PAX2: variants seen among roughly 807,000 people sequenced by gnomAD.
PAX2 encodes the protein paired box protein Pax-2.
A neutral mutation model predicts 41.7 loss-of-function variants in PAX2; 9 were observed. The observed-to-expected ratio is 0.22, with a 90% CI of 0.13 to 0.38. The LOEUF (loss-of-function observed/expected upper bound fraction) is 0.38, where lower values mean the gene tolerates loss of function less well. PAX2 is among the 10% of genes least tolerant of loss of function. The probability of loss-of-function intolerance (pLI) is 1.00; values close to 1 mark genes in which losing one functional copy is unlikely to be tolerated. For missense variants in PAX2, 418 were observed against 531.6 expected (o/e 0.79, Z 2.10); for synonymous variants, 221 against 212.7 (o/e 1.04, Z -0.34).
rs761902719 is a variant in PAX2 at position 100,750,825 on chromosome 10, G to A, written c.344G>A (p.Arg115Gln). 4.3e-6 allele frequency: 7 copies of A among 1,614,214 alleles called. No individual in the cohort carries two copies. The highest frequency in any genetic ancestry group is 3.3e-5 in the Admixed American group (2 of 60,034). ...CCGACTATGTTCGCCTGGGAGATTC[G>A]AGACCGGCTCCTGGCCGAGGGCATC... ...QNPTMFAWEIRDRLLAEGICD... is the reference protein window; with the variant it reads ...QNPTMFAWEIQDRLLAEGICD... Residue 115 changes from arginine (R) to glutamine (Q), a missense_variant, in exon 3 of 10, where the codon CGA (arginine) becomes CAA (glutamine). By Grantham distance (43) the Arg-to-Gln change is conservative. Coordinates refer to ENST00000355243, the MANE Select transcript of PAX2 (RefSeq NM_000278.5). This position sits in a 1 kb window ranked among gnomAD's most constrained non-coding sequence, Gnocchi z 4.1.
chr10:100,772,314 C>G (rs913906018), intron 3 of PAX2, among the ~76,000 whole-genome samples: 1 of 151,930 alleles, frequency 6.6e-6, no homozygotes, highest in Admixed American at 6.6e-5. Context: ...ACACCCTGCC[C>G]GGCTAATTTT....
chr10:100,744,857 G>A (rs563049411), upstream of PAX2, among the ~76,000 whole-genome samples: 4 of 152,348 alleles, frequency 2.6e-5, no homozygotes, highest in African/African-American at 9.6e-5. Flanking sequence ...GGTGGGCAAG[G>A]GGACTGGGGA....
intron 3 of PAX2, among the ~76,000 whole-genome samples, chr10:100,779,286 T>C (rs1405494829): frequency 1.3e-5 from 2 of 152,216 alleles, no homozygotes; most frequent in African/African-American, 4.8e-5. Context: ...GCAGGCTGCA[T>C]TCACCCAGAG....
chr10:100,790,863 G>A (rs1847087551), intron 5 of PAX2, among the ~76,000 whole-genome samples: 2 of 152,224 alleles, frequency 1.3e-5, no homozygotes, highest in African/African-American at 4.8e-5. Context: ...AAGGCATAGA[G>A]GGCTGGGGGA....
At chr10:100,787,175 C>T (rs1846902521) in intron 5 of PAX2, among the ~76,000 whole-genome samples, 1 of 152,052 alleles carries the variant, frequency 6.6e-6, no homozygotes, top group Non-Finnish European at 1.5e-5. Context: ...AGTCTCAGGG[C>T]CTGGATTACT....
chr10:100,748,168 G>A lies in PAX2; in HGVS notation c.44-1578G>A. On this transcript the variant is annotated intron_variant, in intron 1 of 9. Transcript: ENST00000355243. This position sits in a 1 kb window ranked among gnomAD's most constrained non-coding sequence, Gnocchi z 5.0. ...CCCCTTAGACTGGGGCTGAGGGGCC[G>A]GGCCCTGAGCCCGGGGAGGCTGAAT... 1.0e-6 allele frequency: 1 copy of A among 985,304 alleles called. No homozygotes were observed. Among genetic ancestry groups the A allele is most frequent in the Non-Finnish European group, 1.2e-6 (1 of 829,984 alleles). 61.0% of individuals were successfully genotyped at this position (985,304 alleles called of 1,614,324 possible).
intron 3 of PAX2, among the ~76,000 whole-genome samples, chr10:100,757,599 C>G (rs950452210): frequency 6.6e-6 from 1 of 152,234 alleles, no homozygotes; most frequent in Non-Finnish European, 1.5e-5. Flanking sequence ...CCAACACAAT[C>G]CTTCCTCCAA....
intron 1 of PAX2, among the ~76,000 whole-genome samples, chr10:100,736,618 T>A (rs1038672597): frequency 3.3e-5 from 5 of 151,742 alleles, no homozygotes; most frequent in South Asian, 2.1e-4. Flanking sequence ...CAGGTTCCAG[T>A]TGTTTCAGCT....
In PAX2 at chr10:100,827,829, T is replaced by A; in HGVS notation, c.*210T>A. ...ACGGGTGGAGCCGTGGGCGGGACCCTCAGGCCCGGGCCCGCCGCCCCCAGC... is the reference window on the plus strand; with the variant it reads ...ACGGGTGGAGCCGTGGGCGGGACCCACAGGCCCGGGCCCGCCGCCCCCAGC... On this transcript the variant is annotated 3_prime_UTR_variant, in exon 10 of 10. Transcript: ENST00000355243. The surrounding 1 kb of genome is among the most constrained non-coding windows in gnomAD (Gnocchi z 8.5). The A allele has an allele frequency of 1.4e-6, 1 of 696,036 alleles. No homozygotes were observed. The highest frequency in any genetic ancestry group is 1.9e-5 in the South Asian group (1 of 52,842). 43.1% of individuals were successfully genotyped at this position (696,036 alleles called of 1,614,324 possible).
chr10:100,739,153 A>G (rs913100787), intron 1 of PAX2, among the ~76,000 whole-genome samples: 1 of 152,012 alleles, frequency 6.6e-6, no homozygotes, highest in African/African-American at 2.4e-5. Context: ...TCCAGGCTGG[A>G]CGTAGGCGGA....
chr10:100,787,397 T>A (rs1226817386), intron 5 of PAX2, among the ~76,000 whole-genome samples: 1 of 152,204 alleles, frequency 6.6e-6, no homozygotes, highest in African/African-American at 2.4e-5. Context: ...TATATTTGTT[T>A]GTAAAAGTGG....
intron 1 of PAX2, among the ~76,000 whole-genome samples, chr10:100,737,461 G>T (rs1167372248): frequency 6.6e-6 from 1 of 152,246 alleles, no homozygotes; most frequent in Non-Finnish European, 1.5e-5. Flanking sequence ...ACTCCGCACC[G>T]CACTTCCTTT....
At chr10:100,821,198 C>A (rs1026674647) in intron 7 of PAX2, among the ~76,000 whole-genome samples, 1 of 152,204 alleles carries the variant, frequency 6.6e-6, no homozygotes, top group Non-Finnish European at 1.5e-5. Context: ...CCATTATTGA[C>A]AATGGTGTTC....
intron 3 of PAX2, among the ~76,000 whole-genome samples, chr10:100,753,608 A>G (rs1406892789): frequency 2.6e-5 from 4 of 152,160 alleles, no homozygotes; most frequent in Admixed American, 6.5e-5. Flanking sequence ...TGTGTTGGGT[A>G]CTTTATAACA....
chr10:100,736,489 G>A (rs572384051), intron 1 of PAX2, among the ~76,000 whole-genome samples: 1 of 152,252 alleles, frequency 6.6e-6, no homozygotes, highest in Non-Finnish European at 1.5e-5. Flanking sequence ...GAGAGGGTTG[G>A]AACAGGTTTC....
At chr10:100,811,560 A>T (rs1216394829) in intron 7 of PAX2, among the ~76,000 whole-genome samples, 2 of 152,248 alleles carry the variant, frequency 1.3e-5, no homozygotes, top group Admixed American at 1.3e-4. Context: ...CTAGAAAGAT[A>T]CTGGCATCTG....
chr10:100,824,837 G>T lies in PAX2; in HGVS notation c.1021+88G>T. The T allele has an allele frequency of 6.6e-7, 1 of 1,514,342 alleles. No individual in the cohort carries two copies. Among genetic ancestry groups the T allele is most frequent in the Non-Finnish European group, 9.2e-7 (1 of 1,088,980 alleles). The allele number at this position is 1,514,342 out of a possible 1,614,324, so 93.8% of individuals were successfully genotyped here. A position where few individuals can be genotyped will look rare whatever the true frequency, so the allele number is the denominator to read the frequency against. ...TGAATGGTCTGTAGTCTGAGGCTGG[G>T]GTGGGGGGAGACACAACGTCCCCTC... On this transcript the variant is annotated intron_variant, in intron 8 of 9. Transcript: ENST00000355243. This position sits in a 1 kb window ranked among gnomAD's most constrained non-coding sequence, Gnocchi z 6.6.
intron 5 of PAX2, among the ~76,000 whole-genome samples, chr10:100,800,760 G>A (rs1265768735): frequency 1.3e-5 from 2 of 152,172 alleles, no homozygotes; most frequent in African/African-American, 2.4e-5. Flanking sequence ...TGGGGTGAGA[G>A]GTGTGAGATA....
At position 100,824,730 on chromosome 10, in the gene PAX2, C is replaced by G. The variant is rs1471354188; in HGVS notation, c.1002C>G (p.Thr334=). The G allele has an allele frequency of 6.2e-7, 1 of 1,605,330 alleles. No individual in the cohort carries two copies. Among genetic ancestry groups the G allele is most frequent in the East Asian group, 2.2e-5 (1 of 44,846 alleles). ...PTGQGSYPTS[T]LAGMVPGSEF... ...GCCAGGGAAGCTACCCCACCTCCAC[C>G]CTGGCAGGAATGGTGCCTGGTAGGT... Residue 334 remains threonine, a synonymous_variant, in exon 8 of 10, where the codon ACC becomes ACG. Transcript: ENST00000355243. This position sits in a 1 kb window ranked among gnomAD's most constrained non-coding sequence, Gnocchi z 6.6.
Sources: allele counts gnomAD v4.1 joint callset (sites outside exome capture counted in the v4.1 genomes callset), GRCh38; gene constraint gnomAD v4.1.1; non-coding constraint Gnocchi (gnomAD v3.1); transcripts MANE v1.5; gene names NCBI Gene and HGNC (gene_info 2026-07-23, HGNC 2026-07-21).